TMOD3: variants seen among roughly 807,000 people sequenced by gnomAD.
TMOD3 encodes tropomodulin-3.
Under a neutral mutation model 39.2 loss-of-function variants are expected in TMOD3, and 20 were observed. The observed-to-expected ratio is 0.51, with a 90% CI of 0.36 to 0.74. The LOEUF is 0.74. Ranked by LOEUF, TMOD3 falls within the 30% of genes least tolerant of loss-of-function variation. The pLI is 0.00. For missense variants in TMOD3, 381 were observed against 412.8 expected (o/e 0.92, Z 0.67); for synonymous variants, 143 against 145.8 (o/e 0.98, Z 0.14).
chr15:51,888,619 A>G (rs1242825577), intron 4 of TMOD3, among the ~76,000 whole-genome samples: 2 of 152,246 alleles, frequency 1.3e-5, no homozygotes, highest in Non-Finnish European at 2.9e-5. Flanking sequence ...ACTCTTAACT[A>G]CAGTCCAAGT....
chr15:51,883,750 G>C (rs938777115), intron 3 of TMOD3, among the ~76,000 whole-genome samples: 2 of 152,090 alleles, frequency 1.3e-5, no homozygotes, highest in Admixed American at 6.6e-5. Context: ...GCTTGGACAT[G>C]AGAATTTTCT....
chr15:51,870,894 G>T (rs1331171023), intron 3 of TMOD3, among the ~76,000 whole-genome samples: 4 of 152,160 alleles, frequency 2.6e-5, no homozygotes, highest in African/African-American at 9.7e-5. Flanking sequence ...TTGTCCAAAG[G>T]CAGTCTAGTG....
intron 1 of TMOD3, among the ~76,000 whole-genome samples, chr15:51,848,017 G>T (rs1458104600): frequency 6.6e-6 from 1 of 152,108 alleles, no homozygotes; most frequent in Non-Finnish European, 1.5e-5. Context: ...AGGCCCTAGA[G>T]AGCTGCCTTG....
At chr15:51,885,512 T>C (rs1280577656) in intron 3 of TMOD3, among the ~76,000 whole-genome samples, 2 of 152,194 alleles carry the variant, frequency 1.3e-5, no homozygotes, top group African/African-American at 2.4e-5. Flanking sequence ...ATGCTGCCTT[T>C]AAGCATCTGT....
chr15:51,908,514 C>T (rs2056693464), intron 9 of TMOD3, among the ~76,000 whole-genome samples: 1 of 152,064 alleles, frequency 6.6e-6, no homozygotes, highest in Non-Finnish European at 1.5e-5. Flanking sequence ...TGTGTAAGCA[C>T]AGCTATGAGT....
Position 51,871,040 on chromosome 15 carries a change from CA to C in TMOD3, c.283+1676del, listed in dbSNP as rs543428130. Among the ~76,000 whole-genome samples the C allele has an allele frequency of 5.2e-4, 78 of 149,266 alleles. 1 individual carries two copies. Among genetic ancestry groups the C allele is most frequent in the African/African-American group, 1.8e-3 (75 of 40,616 alleles). On this transcript the variant is annotated intron_variant, in intron 3 of 9. Coordinates refer to ENST00000308580, the MANE Select transcript of TMOD3 (RefSeq NM_014547.5). ...TGCTGATTTAAATTTTAATCTCATC[CA>C]AAAAAAAAGCAAAAAACAAAAAACC...
rs149490850 is a variant in TMOD3 at position 51,855,068 on chromosome 15, G to A, written c.-74-7743G>A. On this transcript the variant is annotated intron_variant, in intron 1 of 9. Transcript: ENST00000308580. ...CCTCCACTAGCTGAAGTTCAGTGAA[G>A]CAGTGGGTGAGTGGAAAGAAGAAAA... Among the ~76,000 whole-genome samples the A allele has an allele frequency of 1.4e-3, 216 of 152,334 alleles. 11 individuals are homozygous for A. The highest frequency in any genetic ancestry group is 9.8e-3 in the East Asian group (51 of 5,192).
intron 1 of TMOD3, among the ~76,000 whole-genome samples, chr15:51,853,903 G>C (rs2056375307): frequency 6.6e-6 from 1 of 152,104 alleles, no homozygotes; most frequent in Non-Finnish European, 1.5e-5. Context: ...GACATTTTCA[G>C]CTAGGTCTTG....
chr15:51,839,876 A>C (rs183651055), intron 1 of TMOD3, among the ~76,000 whole-genome samples: 119 of 152,310 alleles, frequency 7.8e-4, no homozygotes, highest in Non-Finnish European at 1.4e-3. Context: ...GAATATTGAT[A>C]ATCAAAGAGT....
At chr15:51,872,737 C>G (rs1281813797) in intron 3 of TMOD3, among the ~76,000 whole-genome samples, 1 of 151,808 alleles carries the variant, frequency 6.6e-6, no homozygotes, top group East Asian at 1.9e-4. Flanking sequence ...GTAGCTAGGA[C>G]TACAGGCACA....
intron 3 of TMOD3, among the ~76,000 whole-genome samples, chr15:51,884,182 A>G (rs2056548358): frequency 6.6e-6 from 1 of 152,334 alleles, no homozygotes; most frequent in South Asian, 2.1e-4. Context: ...CTTTGAGCCC[A>G]TGTATTTAAA....
intron 1 of TMOD3, chr15:51,860,615 A>G: frequency 1.8e-6 from 1 of 545,962 alleles, no homozygotes; most frequent in Non-Finnish European, 3.6e-6. Flanking sequence ...TGCTAAGTTG[A>G]GTTTTAGTAG....
At chr15:51,899,302 G>A (rs1455920836) in intron 7 of TMOD3, among the ~76,000 whole-genome samples, 4 of 152,220 alleles carry the variant, frequency 2.6e-5, no homozygotes, top group African/African-American at 4.8e-5. Flanking sequence ...GGAATGAGGA[G>A]TAGAGAATGT....
In TMOD3 at chr15:51,901,952, A is replaced by G; in HGVS notation, c.940A>G (p.Asn314Asp). 2.5e-6 allele frequency: 4 copies of G among 1,614,168 alleles called. No individual in the cohort carries two copies. The highest frequency in any genetic ancestry group is 3.4e-6 in the Non-Finnish European group (4 of 1,180,022). ...EMAKMLEENTNILKFGYQFTQ... is the reference protein window; with the variant it reads ...EMAKMLEENTDILKFGYQFTQ... ...GGCCAAGATGCTTGAGGAAAATACA[A>G]ATATCCTTAAATTTGGATATCAGTT... Residue 314 changes from asparagine (N) to aspartate (D), a missense_variant, in exon 9 of 10, where the codon AAT becomes GAT. Asn to Asp is a conservative substitution (Grantham distance 23, BLOSUM62 1). Coordinates refer to ENST00000308580, the MANE Select transcript of TMOD3 (RefSeq NM_014547.5).
rs183413039 is a variant in TMOD3, at chr15:51,843,671, G to T, written c.-75+13835G>T. Among the ~76,000 whole-genome samples the T allele has an allele frequency of 4.2e-3, 632 of 152,272 alleles. 4 individuals are homozygous for T. The highest frequency in any genetic ancestry group is 6.5e-3 in the Non-Finnish European group (440 of 68,026). Reference sequence around the variant, plus strand: ...TTCCTGGGAAGGGGCAGGGCTCAGAGACATAGGGCTTTGAAGAGCCTGCAT... The same window carrying T: ...TTCCTGGGAAGGGGCAGGGCTCAGATACATAGGGCTTTGAAGAGCCTGCAT... On this transcript the variant is annotated intron_variant, in intron 1 of 9. Transcript: ENST00000308580.
chr15:51,838,614 T>G (rs2056298141), intron 1 of TMOD3, among the ~76,000 whole-genome samples: 2 of 152,274 alleles, frequency 1.3e-5, no homozygotes, highest in South Asian at 4.1e-4. Flanking sequence ...ACATTAATTT[T>G]AATTTTTAAA....
intron 6 of TMOD3, 111 bp from the exon 7 acceptor site, chr15:51,896,308 G>A (rs2056620232): frequency 1.5e-6 from 1 of 683,238 alleles, no homozygotes; most frequent in Non-Finnish European, 2.5e-6. Context: ...TTAGGTGTTT[G>A]TATAATTTCT....
At chr15:51,877,050 G>A (rs1238053947) in intron 3 of TMOD3, among the ~76,000 whole-genome samples, 4 of 152,066 alleles carry the variant, frequency 2.6e-5, no homozygotes, top group African/African-American at 7.2e-5. Context: ...GCATCAGAGC[G>A]AGACTCTGTC....
chr15:51,830,739 A>ATTAATTTTCTGAGATT (rs2141661565), intron 1 of TMOD3, among the ~76,000 whole-genome samples: 1 of 152,322 alleles, frequency 6.6e-6, no homozygotes, highest in South Asian at 2.1e-4. Flanking sequence ...CTTTTCTGAG[A>ATTAATTTTCTGAGATT]AACCTTCAGA....
Sources: allele counts gnomAD v4.1 joint callset (sites outside exome capture counted in the v4.1 genomes callset), GRCh38; gene constraint gnomAD v4.1.1; transcripts MANE v1.5; gene names NCBI Gene and HGNC (gene_info 2026-07-23, HGNC 2026-07-21).